The following LCP2 variants were observed in gnomAD, a reference collection of about 807,000 sequenced individuals.
LCP2 encodes the protein lymphocyte cytosolic protein 2.
Under a neutral mutation model 74.5 loss-of-function variants are expected in LCP2, and 29 were observed. That is an observed-to-expected ratio of 0.39 (90% CI 0.29 to 0.53). The LOEUF (loss-of-function observed/expected upper bound fraction) is 0.53. LCP2 is among the 20% of genes least tolerant of loss of function. The pLI is 0.72. For synonymous variants in LCP2, 228 were observed against 229.5 expected, an observed-to-expected ratio of 0.99 and a Z score of 0.06; for missense variants, 604 against 634.6, an observed-to-expected ratio of 0.95 and a Z score of 0.52.
chr5:170,249,640 C>A (rs893409937), intron 20 of LCP2, among the ~76,000 whole-genome samples: 1 of 152,040 alleles, frequency 6.6e-6, no homozygotes, highest in Admixed American at 6.6e-5. Context: ...CCTTCATGAT[C>A]TCTCTGCTGT....
At chr5:170,289,887 G>A (rs1207430697) in intron 2 of LCP2, among the ~76,000 whole-genome samples, 1 of 151,712 alleles carries the variant, frequency 6.6e-6, no homozygotes, top group Non-Finnish European at 1.5e-5. Flanking sequence ...CAGAGGGGTG[G>A]CGGCTGAGCA....
At chr5:170,267,526 T>C (rs1197585651) in intron 8 of LCP2, among the ~76,000 whole-genome samples, 1 of 152,094 alleles carries the variant, frequency 6.6e-6, no homozygotes, top group Non-Finnish European at 1.5e-5. Flanking sequence ...CCTAGAACGT[T>C]CTTCTCCCGG....
At position 170,297,640 on chromosome 5, in the gene LCP2, G is replaced by C; in HGVS notation, c.-29C>G. 2 of 1,586,918 alleles carry C rather than the reference G, an allele frequency of 1.3e-6. No individual in the cohort carries two copies. The highest frequency in any genetic ancestry group is 1.3e-5 in the African/African-American group (1 of 74,506). On this transcript the variant is annotated 5_prime_UTR_variant, in exon 1 of 21. Coordinates refer to ENST00000046794, the MANE Select transcript of LCP2 (RefSeq NM_005565.5). ...TGCTCTCCCGGGAAGAAGCTCACAA[G>C]CTGAGCATGGGCGCTTCACCCATGG...
At chr5:170,280,935 C>T (rs777952869) in intron 3 of LCP2, among the ~76,000 whole-genome samples, 2 of 152,204 alleles carry the variant, frequency 1.3e-5, no homozygotes, top group African/African-American at 2.4e-5. Context: ...ACCCAGGAGG[C>T]GGAGGTTGCA....
At chr5:170,250,523 AAAAGATATACAAG>A (rs1761411364) in intron 20 of LCP2, among the ~76,000 whole-genome samples, 194 bp downstream of exon 20, 1 of 152,242 alleles carries the variant, frequency 6.6e-6, no homozygotes, top group Non-Finnish European at 1.5e-5. Flanking sequence ...TATTTGAAAG[AAAAGATATACAAG>A]AAAGAATCCT....
intron 20 of LCP2, among the ~76,000 whole-genome samples, chr5:170,249,261 G>T (rs937935105): frequency 5.3e-5 from 8 of 151,730 alleles, no homozygotes; most frequent in Non-Finnish European, 8.8e-5. Context: ...GGAGGCAGAG[G>T]TTGCAGTGAG....
At chr5:170,260,248 G>T (rs1385619932) in intron 14 of LCP2, among the ~76,000 whole-genome samples, 7 of 152,214 alleles carry the variant, frequency 4.6e-5, no homozygotes, top group African/African-American at 1.7e-4. Flanking sequence ...ATGCTGTCTG[G>T]CATGAGGGGT....
chr5:170,258,144 C>T lies in LCP2; in HGVS notation c.993G>A (p.Gln331=). The T allele has an allele frequency of 6.2e-7, 1 of 1,613,950 alleles. No individual in the cohort carries two copies. Among genetic ancestry groups the T allele is most frequent in the Admixed American group, 1.7e-5 (1 of 60,028 alleles). The part of the protein sequence containing the change: ...EDDVHQRPLP[Q]PALLPMSSNT... ...TGGAGCTCATAGGAAGTAGTGCTGG[C>T]TGGGGCAAAGGTCTCTGATGCACTG... The change falls in exon 16 of 21, where the codon CAG becomes CAA. Residue 331 remains glutamine, a synonymous_variant. Coordinates refer to ENST00000046794, the MANE Select transcript of LCP2 (RefSeq NM_005565.5).
chr5:170,262,923 T>C, intron 11 of LCP2, 44 bp downstream of exon 11: 1 of 1,614,018 alleles, frequency 6.2e-7, no homozygotes, highest in Non-Finnish European at 8.5e-7. Flanking sequence ...AAGGACAAGA[T>C]GTGAAACAAA....
At chr5:170,277,575 C>T (rs926426017) in intron 3 of LCP2, among the ~76,000 whole-genome samples, 1 of 151,760 alleles carries the variant, frequency 6.6e-6, no homozygotes, top group African/African-American at 2.4e-5. Flanking sequence ...GGTGAAACCC[C>T]GTCTCTACTA....
chr5:170,273,930 G>C (rs760209497), intron 6 of LCP2: 2 of 200,666 alleles, frequency 1.0e-5, no homozygotes, highest in South Asian at 2.0e-4. Context: ...CGGGGGGGTA[G>C]TGGGTGGGGG....
At chr5:170,288,920 C>T (rs1290997137) in intron 2 of LCP2, among the ~76,000 whole-genome samples, 2 of 152,092 alleles carry the variant, frequency 1.3e-5, no homozygotes, top group African/African-American at 4.8e-5. Flanking sequence ...GAATTGGGAG[C>T]AGAAAAGAGA....
chr5:170,252,982 C>T, intron 18 of LCP2, 137 bp downstream of exon 18: 1 of 615,724 alleles, frequency 1.6e-6, no homozygotes, highest in East Asian at 2.9e-5. Context: ...TGGATCTTCT[C>T]CTTTAACTTT....
intron 19 of LCP2, chr5:170,252,092 G>A: frequency 4.9e-6 from 1 of 205,192 alleles, no homozygotes; most frequent in Middle Eastern, 2.1e-3. Context: ...TTAAGAGGAA[G>A]ATAGAACTGG....
chr5:170,288,404 C>T (rs774998894), intron 2 of LCP2, among the ~76,000 whole-genome samples: 41 of 152,216 alleles, frequency 2.7e-4, no homozygotes, highest in Non-Finnish European at 4.7e-4. Context: ...CTCAGGCCCT[C>T]TCAGTCTCCA....
chr5:170,272,909 G>T (rs946049158), intron 6 of LCP2, among the ~76,000 whole-genome samples: 9 of 151,788 alleles, frequency 5.9e-5, no homozygotes, highest in African/African-American at 2.2e-4. Flanking sequence ...ACCGCACCCG[G>T]TTCAAATATT....
intron 3 of LCP2, among the ~76,000 whole-genome samples, chr5:170,286,876 G>T (rs897274371): frequency 2.0e-5 from 3 of 152,210 alleles, no homozygotes; most frequent in South Asian, 2.1e-4. Context: ...GTAAGAGAAG[G>T]GTCCTTATAG....
chr5:170,261,134 A>G lies in LCP2; in HGVS notation c.930T>C (p.His310=). Residue 310 remains histidine, a synonymous_variant, in exon 14 of 21, where the codon CAT becomes CAC. Coordinates refer to ENST00000046794, the MANE Select transcript of LCP2 (RefSeq NM_005565.5). ...LPGKKPPVPK[H]GWGPDRREND... Reference sequence around the variant, plus strand: ...TCTCTCTTCTGTCTGGTCCCCATCCATGCCTGAAATGAATTAGGGCAAATA... The same window carrying G: ...TCTCTCTTCTGTCTGGTCCCCATCCGTGCCTGAAATGAATTAGGGCAAATA... 2 of 1,603,158 alleles carry G rather than the reference A, an allele frequency of 1.2e-6. No homozygotes were observed. The highest frequency in any genetic ancestry group is 1.7e-6 in the Non-Finnish European group (2 of 1,170,432).
At chr5:170,279,975 G>C (rs68157621) in intron 3 of LCP2, among the ~76,000 whole-genome samples, 19 of 151,378 alleles carry the variant, frequency 1.3e-4, no homozygotes, top group Non-Finnish European at 2.2e-4. Context: ...AGAGAGAGAG[G>C]GGGGAAGGGA....
Sources: allele counts gnomAD v4.1 joint callset (sites outside exome capture counted in the v4.1 genomes callset), GRCh38; gene constraint gnomAD v4.1.1; transcripts MANE v1.5; gene names NCBI Gene and HGNC (gene_info 2026-07-23, HGNC 2026-07-21).